The following PLXNC1 variants were observed in gnomAD, a reference collection of about 807,000 sequenced individuals.
The protein encoded by PLXNC1 is plexin C1.
In PLXNC1, 75 loss-of-function variants were observed where a neutral mutation model predicts 178.2. The observed-to-expected ratio is 0.42, with a 90% CI of 0.35 to 0.51. The LOEUF (loss-of-function observed/expected upper bound fraction) is 0.51, where lower values mean the gene tolerates loss of function less well. Among genes scored for constraint, PLXNC1 ranks in the 20% least tolerant of loss-of-function variants. PLXNC1 has a pLI of 0.02. For missense variants in PLXNC1, 1,503 were observed against 1,984.4 expected (o/e 0.76, Z 4.61); for synonymous variants, 790 against 779.9 (o/e 1.01, Z -0.22).
intron 4 of PLXNC1, among the ~76,000 whole-genome samples, chr12:94,195,236 G>A (rs1464035206): frequency 1.3e-5 from 2 of 152,130 alleles, no homozygotes; most frequent in African/African-American, 2.4e-5. Flanking sequence ...GATGAACCAC[G>A]TTAATCCAAG....
At chr12:94,298,867 A>ATAGT (rs1366391695) in intron 27 of PLXNC1, 72 bp downstream of exon 27, 1 of 1,394,190 alleles carries the variant, frequency 7.2e-7, no homozygotes, top group Admixed American at 2.2e-5. Context: ...AAAGACATAG[A>ATAGT]TAGTTATAGA....
At chr12:94,215,086 C>T (rs150454692) in intron 5 of PLXNC1, among the ~76,000 whole-genome samples, 5 of 152,160 alleles carry the variant, frequency 3.3e-5, no homozygotes, top group African/African-American at 4.8e-5. Context: ...TAAGTAGAGA[C>T]GGAGTTTCAC....
intron 2 of PLXNC1, among the ~76,000 whole-genome samples, chr12:94,175,289 G>A (rs1565793136): frequency 1.3e-5 from 2 of 152,150 alleles, no homozygotes; most frequent in African/African-American, 4.8e-5. Flanking sequence ...CCCTTCAACT[G>A]GTTAGCCCCA....
intron 4 of PLXNC1, among the ~76,000 whole-genome samples, chr12:94,202,054 T>C (rs4761592): frequency 0.83 from 126,702 of 151,972 alleles, 52,991 homozygotes; most frequent in East Asian, 0.97. Context: ...CCACTAGCAC[T>C]GGCCTCTTCC....
intron 27 of PLXNC1, among the ~76,000 whole-genome samples, 191 bp from the exon 28 acceptor site, chr12:94,300,719 G>C (rs1007247922): frequency 1.3e-5 from 2 of 152,134 alleles, no homozygotes; most frequent in Admixed American, 1.3e-4. Flanking sequence ...TTCTTTTACA[G>C]TAGCTCTGCC....
intron 20 of PLXNC1, among the ~76,000 whole-genome samples, chr12:94,263,067 G>T (rs182942082): frequency 2.0e-5 from 3 of 152,286 alleles, no homozygotes; most frequent in Non-Finnish European, 4.4e-5. Flanking sequence ...GTCGAAGCCT[G>T]GCCCCTGGGG....
intron 17 of PLXNC1, among the ~76,000 whole-genome samples, chr12:94,257,823 T>C (rs1056812757): frequency 3.3e-5 from 5 of 151,906 alleles, no homozygotes; most frequent in Non-Finnish European, 5.9e-5. Context: ...AGGAGAATGG[T>C]GTGAACCTGG....
intron 16 of PLXNC1, 130 bp downstream of exon 16, chr12:94,255,018 G>T: frequency 1.1e-6 from 1 of 914,012 alleles, no homozygotes; most frequent in Non-Finnish European, 1.7e-6. Flanking sequence ...GAAGGGCAGG[G>T]CCTGGGCCTG....
At chr12:94,213,620 G>A (rs1269746073) in intron 5 of PLXNC1, among the ~76,000 whole-genome samples, 1 of 152,164 alleles carries the variant, frequency 6.6e-6, no homozygotes, top group African/African-American at 2.4e-5. Context: ...CACTCTGATG[G>A]TAGTTTCTTT....
At chr12:94,188,267 A>C (rs1962591612) in intron 4 of PLXNC1, among the ~76,000 whole-genome samples, 1 of 152,144 alleles carries the variant, frequency 6.6e-6, no homozygotes, top group Non-Finnish European at 1.5e-5. Context: ...CAGCTGAAAA[A>C]AATGAAGCAG....
intron 23 of PLXNC1, among the ~76,000 whole-genome samples, chr12:94,289,710 A>G (rs1236110089): frequency 1.3e-5 from 2 of 152,204 alleles, no homozygotes; most frequent in African/African-American, 4.8e-5. Flanking sequence ...TGCTAAAAAG[A>G]AAACGGAAAC....
Position 94,192,592 on chromosome 12 carries a change from A to G in PLXNC1, c.1439+6119A>G, listed in dbSNP as rs138408362. The stretch of plus-strand genomic sequence containing the variant: ...AAGGGTGGGGTCAATGTCAAGCTGA[A>G]GGTTGAGTTCAGGTCTGTTTCCCAT... On this transcript the variant is annotated intron_variant, in intron 4 of 30. Coordinates refer to ENST00000258526, the MANE Select transcript of PLXNC1 (RefSeq NM_005761.3). Among the ~76,000 whole-genome samples the G allele has an allele frequency of 2.0e-3, 300 of 152,094 alleles. 6 individuals are homozygous for G. The highest frequency in any genetic ancestry group is 4.4e-4 in the Non-Finnish European group (30 of 68,002).
At chr12:94,202,125 T>G (rs527985188) in intron 4 of PLXNC1, among the ~76,000 whole-genome samples, 6 of 152,314 alleles carry the variant, frequency 3.9e-5, no homozygotes, top group African/African-American at 9.6e-5. Flanking sequence ...AATGCCATCT[T>G]TCTTCACTAG....
At chr12:94,192,942 G>A (rs193208833) in intron 4 of PLXNC1, among the ~76,000 whole-genome samples, 6 of 152,252 alleles carry the variant, frequency 3.9e-5, no homozygotes, top group African/African-American at 9.6e-5. Flanking sequence ...ATAAGAGCTA[G>A]CATGGGGGAA....
Position 94,248,062 on chromosome 12 carries a change from C to A in PLXNC1, c.2548C>A (p.Arg850=). 1 of 1,614,004 alleles carries A rather than the reference C, an allele frequency of 6.2e-7. No individual in the cohort carries two copies. Among genetic ancestry groups the A allele is most frequent in the East Asian group, 2.2e-5 (1 of 44,852 alleles). The change falls in exon 13 of 31, where the codon CGG becomes AGG. Residue 850 remains arginine (R), a synonymous_variant. Transcript: ENST00000258526. ...GGAGGACCCCAGATTCACGGGGTAT[C>A]GGGTGGAATCCGAGGTGGACACAGA... ...YREDPRFTGY[R]VESEVDTELE...
chr12:94,231,099 T>C (rs1358433712), intron 9 of PLXNC1, among the ~76,000 whole-genome samples: 3 of 152,128 alleles, frequency 2.0e-5, no homozygotes, highest in Non-Finnish European at 2.9e-5. Flanking sequence ...GCCCGGGGCT[T>C]TGTCTTAGTC....
intron 15 of PLXNC1, among the ~76,000 whole-genome samples, chr12:94,252,215 C>T (rs1034188217): frequency 6.6e-6 from 1 of 152,142 alleles, no homozygotes; most frequent in Non-Finnish European, 1.5e-5. Context: ...CACCCCCCAC[C>T]ACCCATCACC....
intron 28 of PLXNC1, among the ~76,000 whole-genome samples, chr12:94,301,989 G>A (rs567939065): frequency 5.9e-5 from 9 of 152,068 alleles, no homozygotes; most frequent in Middle Eastern, 3.4e-3. Context: ...CCTTCATCCC[G>A]TCCCTACTGG....
At chr12:94,155,149 A>G (rs1385380599) in intron 1 of PLXNC1, among the ~76,000 whole-genome samples, 1 of 152,142 alleles carries the variant, frequency 6.6e-6, no homozygotes, top group Non-Finnish European at 1.5e-5. Context: ...GGTGTTGCCA[A>G]TCTGAGAGTT....
Sources: allele counts gnomAD v4.1 joint callset (sites outside exome capture counted in the v4.1 genomes callset), GRCh38; gene constraint gnomAD v4.1.1; transcripts MANE v1.5; gene names NCBI Gene and HGNC (gene_info 2026-07-23, HGNC 2026-07-21).